The following KCNQ1 variants were observed in gnomAD, a reference collection of about 807,000 sequenced individuals.
The protein encoded by KCNQ1 is potassium voltage-gated channel subfamily KQT member 1.
A neutral mutation model predicts 72.4 loss-of-function variants in KCNQ1; 49 were observed. The ratio of observed to expected loss-of-function variants is 0.68; its 90% CI spans 0.54 to 0.86. KCNQ1 has a LOEUF of 0.86. Among genes scored for constraint, KCNQ1 ranks in the 40% least tolerant of loss-of-function variants. The pLI is 0.00. For missense variants in KCNQ1, 790 were observed against 945.1 expected, an observed-to-expected ratio of 0.84 and a Z score of 2.15; for synonymous variants, 450 against 412.6, an observed-to-expected ratio of 1.09 and a Z score of -1.10.
intron 15 of KCNQ1, among the ~76,000 whole-genome samples, chr11:2,780,486 C>G (rs1005667926): frequency 2.6e-5 from 4 of 152,232 alleles, no homozygotes; most frequent in African/African-American, 9.6e-5. Context: ...AGCCCCTGGC[C>G]TTCCCTACCA....
intron 15 of KCNQ1, among the ~76,000 whole-genome samples, chr11:2,788,112 A>T (rs955262360): frequency 6.6e-5 from 10 of 152,110 alleles, no homozygotes; most frequent in Admixed American, 6.5e-5. Context: ...ACGGGAGAGC[A>T]CACTCCAGTA....
chr11:2,695,063 T>C lies in KCNQ1; in HGVS notation c.1514+32982T>C, dbSNP rs1238404221. ...AGATCTTGTAAAAACCTGATGGAAT[T>C]TGAATTTTATTTCCTAGAAATAGAA... On this transcript the variant is annotated intron_variant, in intron 11 of 15. Transcript: ENST00000155840. This position sits in a 1 kb window ranked among gnomAD's most constrained non-coding sequence, Gnocchi z 5.2. 5.0e-6 allele frequency: 2 copies of C among 398,412 alleles called. No individual in the cohort carries two copies. Among genetic ancestry groups the C allele is most frequent in the African/African-American group, 2.1e-5 (1 of 48,598 alleles). The allele number at this position is 398,412 out of a possible 1,614,324, so 24.7% of individuals were successfully genotyped here. A position where few individuals can be genotyped will look rare whatever the true frequency, so the allele number is the denominator to read the frequency against.
At position 2,824,036 on chromosome 11, in the gene KCNQ1, G is replaced by T. The variant is rs183929894; in HGVS notation, c.1795-23731G>T. On this transcript the variant is annotated intron_variant, in intron 15 of 15. Transcript: ENST00000155840. The surrounding 1 kb of genome is among the most constrained non-coding windows in gnomAD (Gnocchi z 5.9). The stretch of plus-strand genomic sequence containing the variant: ...TGGGCATGCACACTAAGGCCTGGAG[G>T]CTTGTGCTTATCCATCATATAGCAG... Among the ~76,000 whole-genome samples, 3 of 152,264 alleles carry T rather than the reference G, an allele frequency of 2.0e-5. No individual in the cohort carries two copies. Among genetic ancestry groups the T allele is most frequent in the Admixed American group, 6.5e-5 (1 of 15,302 alleles).
chr11:2,790,256 C>T (rs1298258793), intron 15 of KCNQ1, among the ~76,000 whole-genome samples: 5 of 152,194 alleles, frequency 3.3e-5, no homozygotes, highest in Non-Finnish European at 7.3e-5. Context: ...GGGTTGTCTA[C>T]ACTGTCCCCA....
chr11:2,500,953 C>G (rs1343490564), intron 1 of KCNQ1, among the ~76,000 whole-genome samples: 1 of 152,064 alleles, frequency 6.6e-6, no homozygotes, highest in East Asian at 1.9e-4. Context: ...AGCAAACCAC[C>G]ATGGCACGTG....
In KCNQ1 at chr11:2,498,138, A is replaced by G. The variant is rs1024658089; in HGVS notation, c.387-29790A>G. Among the ~76,000 whole-genome samples, 1 of 152,188 alleles carries G rather than the reference A, an allele frequency of 6.6e-6. No individual in the cohort carries two copies. Among genetic ancestry groups the G allele is most frequent in the Non-Finnish European group, 1.5e-5 (1 of 68,010 alleles). On this transcript the variant is annotated intron_variant, in intron 1 of 15. Transcript: ENST00000155840. The surrounding 1 kb of genome is among the most constrained non-coding windows in gnomAD (Gnocchi z 4.8). ...TGTTGGGAGGTCTTGCCTGCTCAGG[A>G]GGCATGGGGCTCAGGGACCCACTTG...
chr11:2,700,133 TG>T (rs1326504315), intron 11 of KCNQ1: 2 of 397,122 alleles, frequency 5.0e-6, no homozygotes, highest in Non-Finnish European at 8.9e-6. Flanking sequence ...GAAAGTGATG[TG>T]CCGTGTCCTG....
chr11:2,527,558 C>T (rs543198978), intron 1 of KCNQ1, among the ~76,000 whole-genome samples: 34 of 152,360 alleles, frequency 2.2e-4, no homozygotes, highest in African/African-American at 7.9e-4. Flanking sequence ...CCCACGCCCA[C>T]AGCAGTCCCG....
Position 2,691,559 on chromosome 11 carries a change from G to A in KCNQ1, c.1514+29478G>A. The A allele has an allele frequency of 2.5e-6, 1 of 398,574 alleles. No individual in the cohort carries two copies. Among genetic ancestry groups the A allele is most frequent in the Non-Finnish European group, 4.4e-6 (1 of 226,064 alleles). The allele number at this position is 398,574 out of a possible 1,614,324, so 24.7% of individuals were successfully genotyped here. A position where few individuals can be genotyped will look rare whatever the true frequency, so the allele number is the denominator to read the frequency against. On this transcript the variant is annotated intron_variant, in intron 11 of 15. Coordinates refer to ENST00000155840, the MANE Select transcript of KCNQ1 (RefSeq NM_000218.3). The surrounding 1 kb of genome is among the most constrained non-coding windows in gnomAD (Gnocchi z 6.4). The stretch of plus-strand genomic sequence containing the variant: ...GGGGATTTCTCTATCCTGAGGTTAT[G>A]AAATACCTCAGCAAGGACGAGGCCT...
chr11:2,722,819 T>G (rs1395146167), intron 11 of KCNQ1, among the ~76,000 whole-genome samples: 1 of 152,070 alleles, frequency 6.6e-6, no homozygotes, highest in African/African-American at 2.4e-5. Flanking sequence ...CCCACCAGGC[T>G]CAGCCAACTG....
At chr11:2,489,645 G>T (rs1299838219) in intron 1 of KCNQ1, among the ~76,000 whole-genome samples, 1 of 152,180 alleles carries the variant, frequency 6.6e-6, no homozygotes, top group Non-Finnish European at 1.5e-5. Flanking sequence ...AGGAGATGGA[G>T]CAGTAAAGAG....
rs888914680 is a variant in KCNQ1, at chr11:2,769,247, T to C, written c.1590+328T>C. On this transcript the variant is annotated intron_variant, in intron 12 of 15. Transcript: ENST00000155840. This position sits in a 1 kb window ranked among gnomAD's most constrained non-coding sequence, Gnocchi z 4.6. The stretch of plus-strand genomic sequence containing the variant: ...CGTGCAAGGCAGCATTAGTGAGAGA[T>C]GTGAGGGTGACATCAGAATGACTCA... Among the ~76,000 whole-genome samples the C allele has an allele frequency of 6.6e-6, 1 of 152,006 alleles. No homozygotes were observed. Among genetic ancestry groups the C allele is most frequent in the African/African-American group, 2.4e-5 (1 of 41,376 alleles).
In KCNQ1 at chr11:2,612,911, C is replaced by T; in HGVS notation, c.1393+24057C>T. ...TTTCTGTTACTCATTTATTTGTTTG[C>T]TCGCTTGTGTATGCCTTCTCTGCAT... On this transcript the variant is annotated intron_variant, in intron 10 of 15. Transcript: ENST00000155840. The surrounding 1 kb of genome is among the most constrained non-coding windows in gnomAD (Gnocchi z 5.5). 2.5e-6 allele frequency: 1 copy of T among 398,548 alleles called. No homozygotes were observed. Among genetic ancestry groups the T allele is most frequent in the Non-Finnish European group, 4.4e-6 (1 of 226,058 alleles). The allele number at this position is 398,548 out of a possible 1,614,324, so 24.7% of individuals were successfully genotyped here. A position where few individuals can be genotyped will look rare whatever the true frequency, so the allele number is the denominator to read the frequency against.
Position 2,544,332 on chromosome 11 carries a change from ATG to A in KCNQ1, c.477+16318_477+16319del, listed in dbSNP as rs1342848011. Among the ~76,000 whole-genome samples, 3 of 147,588 alleles carry A rather than the reference ATG, an allele frequency of 2.0e-5. No individual in the cohort carries two copies. In the South Asian group the frequency reaches 6.3e-4, roughly 31 times the overall value. On this transcript the variant is annotated intron_variant, in intron 2 of 15. Transcript: ENST00000155840. The surrounding 1 kb of genome is among the most constrained non-coding windows in gnomAD (Gnocchi z 4.4). The stretch of plus-strand genomic sequence containing the variant: ...TATATGTATATATCTATGTATATAT[ATG>A]TGTATGTATATGTATATATATGTGT...
At position 2,447,149 on chromosome 11, in the gene KCNQ1, C is replaced by T. The variant is rs147902601; in HGVS notation, c.386+1665C>T. Among the ~76,000 whole-genome samples the T allele has an allele frequency of 3.0e-4, 45 of 152,266 alleles. No individual in the cohort carries two copies. The East Asian group carries it at 7.3e-3, about 25-fold the overall frequency. On this transcript the variant is annotated intron_variant, in intron 1 of 15. Coordinates refer to ENST00000155840, the MANE Select transcript of KCNQ1 (RefSeq NM_000218.3). The surrounding 1 kb of genome is among the most constrained non-coding windows in gnomAD (Gnocchi z 7.6). ...GTGGAGGAAGAGGAGGAAGAGGGCT[C>T]GCCACGCCCCAGAGGAAGTCTCTGC...
At position 2,724,100 on chromosome 11, in the gene KCNQ1, T is replaced by C. The variant is rs982317538; in HGVS notation, c.1515-44744T>C. ...GGTGCCTGGGGGCCCAGGCTTTTGA[T>C]AGAGAATCACATCTGGACCAGGACG... On this transcript the variant is annotated intron_variant, in intron 11 of 15. Coordinates refer to ENST00000155840, the MANE Select transcript of KCNQ1 (RefSeq NM_000218.3). This position sits in a 1 kb window ranked among gnomAD's most constrained non-coding sequence, Gnocchi z 6.8. 2.0e-5 allele frequency among the ~76,000 whole-genome samples: 3 copies of C among 151,926 alleles called. No homozygotes were observed. The highest frequency in any genetic ancestry group is 4.4e-5 in the Non-Finnish European group (3 of 67,974).
intron 11 of KCNQ1, chr11:2,684,419 C>T: frequency 2.5e-6 from 1 of 398,686 alleles, no homozygotes; most frequent in Non-Finnish European, 4.4e-6. Context: ...AGTGCCCCAG[C>T]ACCACCTCTT....
At position 2,677,289 on chromosome 11, in the gene KCNQ1, T is replaced by C. The variant is rs1034076442; in HGVS notation, c.1514+15208T>C. On this transcript the variant is annotated intron_variant, in intron 11 of 15. Coordinates refer to ENST00000155840, the MANE Select transcript of KCNQ1 (RefSeq NM_000218.3). The surrounding 1 kb of genome is among the most constrained non-coding windows in gnomAD (Gnocchi z 4.5). ...AGAGGAACTGTAAATCTTGTCAAAA[T>C]AGGAGATTTCATCAAGTTAAAGAAA... 8 of 398,450 alleles carry C rather than the reference T, an allele frequency of 2.0e-5. No individual in the cohort carries two copies. The highest frequency in any genetic ancestry group is 1.8e-4 in the Admixed American group (4 of 22,710). 24.7% of individuals were successfully genotyped at this position (398,450 alleles called of 1,614,324 possible).
intron 15 of KCNQ1, among the ~76,000 whole-genome samples, chr11:2,833,765 C>T (rs575593597): frequency 1.8e-3 from 267 of 152,340 alleles, no homozygotes; most frequent in African/African-American, 6.3e-3. Flanking sequence ...TGCCCCGAGA[C>T]GGGACCGAGA....
Sources: allele counts gnomAD v4.1 joint callset (sites outside exome capture counted in the v4.1 genomes callset), GRCh38; gene constraint gnomAD v4.1.1; non-coding constraint Gnocchi (gnomAD v3.1); transcripts MANE v1.5; gene names NCBI Gene and HGNC (gene_info 2026-07-23, HGNC 2026-07-21).